Variants in ITPKC observed in about 807,000 individuals in gnomAD.
ITPKC encodes inositol-trisphosphate 3-kinase C.
Under a neutral mutation model 67.1 loss-of-function variants are expected in ITPKC, and 33 were observed. The ratio of observed to expected loss-of-function variants is 0.49; its 90% CI spans 0.37 to 0.66. The LOEUF is 0.66. Among genes scored for constraint, ITPKC ranks in the 30% least tolerant of loss-of-function variants. The probability of loss-of-function intolerance (pLI) is 0.00; values close to 1 mark genes in which losing one functional copy is unlikely to be tolerated. For synonymous variants in ITPKC, 341 were observed against 359.8 expected, an observed-to-expected ratio of 0.95 and a Z score of 0.59; for missense variants, 820 against 892.1, an observed-to-expected ratio of 0.92 and a Z score of 1.03.
chr19:40,730,148 G>T (rs1187122673), intron 3 of ITPKC, among the ~76,000 whole-genome samples: 2 of 152,152 alleles, frequency 1.3e-5, no homozygotes, highest in East Asian at 1.9e-4. Context: ...TGTTGGCCAG[G>T]CTGGTCTGGA....
intron 2 of ITPKC, among the ~76,000 whole-genome samples, chr19:40,727,568 G>T (rs943180139): frequency 1.7e-4 from 26 of 152,124 alleles, no homozygotes; most frequent in Non-Finnish European, 3.4e-4. Context: ...AAAACTTTTG[G>T]AGGTTCATTC....
chr19:40,737,630 C>A, intron 5 of ITPKC, 68 bp from the exon 6 acceptor site: 3 of 1,386,330 alleles, frequency 2.2e-6, no homozygotes, highest in Non-Finnish European at 3.1e-6. Context: ...GGGGTGAGGT[C>A]AGAGCTCAAG....
intron 6 of ITPKC, 108 bp downstream of exon 6, chr19:40,737,877 G>A (rs1200859841): frequency 6.5e-6 from 6 of 928,232 alleles, no homozygotes; most frequent in Middle Eastern, 2.7e-4. Flanking sequence ...GGGGCTGGGC[G>A]TTGTGGCCCG....
rs534851140 is a variant in ITPKC at position 40,733,210 on chromosome 19, G to T, written c.1520G>T (p.Arg507Leu). The change falls in exon 4 of 7, where the codon CGG becomes CTG. Residue 507 changes from arginine (R) to leucine (L), a missense_variant. Around this residue, in one of 2 missense-constraint regions of ITPKC, gnomAD observed 339 missense variants for 422.0 expected, o/e 0.80. Coordinates refer to ENST00000263370, the MANE Select transcript of ITPKC (RefSeq NM_025194.3). ...LVKARERPRP[R>L]KDMYEKMVAV... ...AAGGCACGGGAACGTCCCCGTCCCC[G>T]GAAGGACATGTATGAGAAGATGGTG... 6.2e-7 allele frequency: 1 copy of T among 1,614,188 alleles called. No homozygotes were observed. The highest frequency in any genetic ancestry group is 1.3e-5 in the African/African-American group (1 of 75,048).
At chr19:40,732,948 T>C (rs1030219259) in intron 3 of ITPKC, among the ~76,000 whole-genome samples, 1 of 152,176 alleles carries the variant, frequency 6.6e-6, no homozygotes, top group Non-Finnish European at 1.5e-5. Flanking sequence ...CCAGCACTGT[T>C]TATTGAAAAG....
In ITPKC at chr19:40,736,907, G is replaced by A. The variant is rs1199811075; in HGVS notation, c.1675-79G>A. The stretch of plus-strand genomic sequence containing the variant: ...CTTGGCCACCGCGCCCGGCCTCCTG[G>A]GAGGTATTTGAGGTTGCTGGGTATT... On this transcript the variant is annotated intron_variant, in intron 4 of 6. Transcript: ENST00000263370. The A allele has an allele frequency of 5.5e-6, 5 of 910,032 alleles. No individual in the cohort carries two copies. In the African/African-American group the frequency reaches 8.3e-5, roughly 15 times the overall value. 56.4% of individuals were successfully genotyped at this position (910,032 alleles called of 1,614,324 possible). A position where few individuals can be genotyped will look rare whatever the true frequency, so the allele number is the denominator to read the frequency against.
chr19:40,737,289 T>C (rs533163080), intron 5 of ITPKC, among the ~76,000 whole-genome samples: 52 of 152,334 alleles, frequency 3.4e-4, no homozygotes, highest in African/African-American at 1.3e-3. Context: ...GGCTCATGAC[T>C]TGGCCGCACG....
intron 3 of ITPKC, among the ~76,000 whole-genome samples, chr19:40,732,462 A>AGAGGTT (rs2082275588): frequency 6.9e-6 from 1 of 145,354 alleles, no homozygotes; most frequent in African/African-American, 2.5e-5. Context: ...TCCGCGAGGC[A>AGAGGTT]GAGGTTGCAG....
Position 40,733,145 on chromosome 19 carries a change from C to A in ITPKC, c.1470-15C>A, listed in dbSNP as rs2082279354. ...TTCTACATAATTTCCTTTGTCACAT[C>A]CTCTGTGTGCTCAGGACCTATCTGG... On this transcript the variant is annotated splice_polypyrimidine_tract_variant and intron_variant, in intron 3 of 6. Transcript: ENST00000263370. 1 of 1,611,634 alleles carries A rather than the reference C, an allele frequency of 6.2e-7. No homozygotes were observed. Among genetic ancestry groups the A allele is most frequent in the African/African-American group, 1.3e-5 (1 of 74,864 alleles).
rs1053451432 is a variant in ITPKC at position 40,740,650 on chromosome 19, C to T, written c.*1090C>T. On this transcript the variant is annotated 3_prime_UTR_variant, in exon 7 of 7. Coordinates refer to ENST00000263370, the MANE Select transcript of ITPKC (RefSeq NM_025194.3). ...TTCCTGGCCCTTGAGGCTGGGCTGG[C>T]GGACAGGCACCTACCTCTTCCTTAA... The T allele has an allele frequency of 1.4e-5, 4 of 279,560 alleles. No homozygotes were observed. Among genetic ancestry groups the T allele is most frequent in the African/African-American group, 2.2e-5 (1 of 45,834 alleles). 17.3% of individuals were successfully genotyped at this position (279,560 alleles called of 1,614,324 possible).
chr19:40,736,418 T>C (rs2082294551), intron 4 of ITPKC, among the ~76,000 whole-genome samples: 1 of 152,102 alleles, frequency 6.6e-6, no homozygotes, highest in African/African-American at 2.4e-5. Flanking sequence ...GGCTCAGGCA[T>C]GTGACCTGGG....
intron 2 of ITPKC, among the ~76,000 whole-genome samples, chr19:40,728,606 A>C (rs899132310): frequency 3.3e-5 from 5 of 152,220 alleles, no homozygotes; most frequent in African/African-American, 1.2e-4. Flanking sequence ...GAATTCCCAC[A>C]GATGATCACA....
Position 40,738,229 on chromosome 19 carries a change from C to G in ITPKC, c.1848+460C>G, listed in dbSNP as rs536822260. Among the ~76,000 whole-genome samples, 600 of 152,204 alleles carry G rather than the reference C, an allele frequency of 3.9e-3. 3 individuals carry two copies. The highest frequency in any genetic ancestry group is 0.014 in the African/African-American group (583 of 41,532). ...AGATCACGAGGTCAGGAGATCGAGA[C>G]CATCCTGGCTAACACAGTGAAACCC... On this transcript the variant is annotated intron_variant, in intron 6 of 6. Transcript: ENST00000263370.
intron 3 of ITPKC, 86 bp from the exon 4 acceptor site, chr19:40,733,074 T>G (rs751534334): frequency 7.0e-6 from 8 of 1,148,260 alleles, no homozygotes; most frequent in Non-Finnish European, 1.0e-5. Flanking sequence ...TGTGCCACAC[T>G]GTGGCTTTAT....
At chr19:40,737,960 TG>T (rs2082302542) in intron 6 of ITPKC, among the ~76,000 whole-genome samples, 191 bp downstream of exon 6, 1 of 126,126 alleles carries the variant, frequency 7.9e-6, no homozygotes, top group Non-Finnish European at 1.6e-5. Flanking sequence ...AAGACCAGCC[TG>T]GGAAGCACAG....
At chr19:40,727,057 A>C (rs2082249210) in intron 2 of ITPKC, among the ~76,000 whole-genome samples, 1 of 152,004 alleles carries the variant, frequency 6.6e-6, no homozygotes, top group Admixed American at 6.6e-5. Flanking sequence ...TAAATACGCC[A>C]GGGGCGGTGG....
chr19:40,729,748 CAA>C (rs1179040396), intron 3 of ITPKC, among the ~76,000 whole-genome samples: 2 of 151,740 alleles, frequency 1.3e-5, no homozygotes, highest in African/African-American at 2.4e-5. Context: ...GCCTGGGCAA[CAA>C]GAGTGGAACC....
intron 4 of ITPKC, among the ~76,000 whole-genome samples, chr19:40,734,907 A>G (rs2144752885): frequency 6.7e-6 from 1 of 149,118 alleles, no homozygotes; most frequent in East Asian, 2.0e-4. Context: ...TCAGCCTCCC[A>G]AGTAGCTGGG....
rs1394721643 is a variant in ITPKC, at chr19:40,739,340, CG to C, written c.1849-16del. ...AGTGCCTGCTCCTCCCTTAACCTCC[CG>C]TCTCTACCCCGGCAGGTGGTAGGCA... On this transcript the variant is annotated splice_polypyrimidine_tract_variant and intron_variant, in intron 6 of 6. Transcript: ENST00000263370. The C allele has an allele frequency of 1.2e-6, 2 of 1,608,434 alleles. No homozygotes were observed. The highest frequency in any genetic ancestry group is 1.7e-6 in the Non-Finnish European group (2 of 1,175,736).
Sources: gnomAD v4.1 joint callset for allele counts (sites outside exome capture counted in the v4.1 genomes callset) on GRCh38, gnomAD v4.1.1 for gene constraint, gnomAD v4.1.1 regional missense constraint, MANE v1.5 for transcripts, NCBI Gene and HGNC (gene_info 2026-07-23, HGNC 2026-07-21) for gene names.